Variants in SLC20A2 observed in about 807,000 individuals in gnomAD.
SLC20A2 encodes the protein sodium-dependent phosphate transporter 2.
In SLC20A2, 30 loss-of-function variants were observed where a neutral mutation model predicts 61.0. The observed-to-expected ratio is 0.49, with a 90% CI of 0.37 to 0.67. The LOEUF (loss-of-function observed/expected upper bound fraction) is 0.67. Among genes scored for constraint, SLC20A2 ranks in the 30% least tolerant of loss-of-function variants. The pLI, the probability that SLC20A2 is intolerant of heterozygous loss-of-function variation, is 0.00. For synonymous variants in SLC20A2, 351 were observed against 353.3 expected, an observed-to-expected ratio of 0.99 and a Z score of 0.07; for missense variants, 626 against 866.4, an observed-to-expected ratio of 0.72 and a Z score of 3.48.
chr8:42,516,097 A>C (rs1398267914), intron 1 of SLC20A2, among the ~76,000 whole-genome samples: 1 of 152,200 alleles, frequency 6.6e-6, no homozygotes, highest in Non-Finnish European at 1.5e-5. Context: ...AATTTGGAAA[A>C]CTGTGATTCT....
intron 2 of SLC20A2, among the ~76,000 whole-genome samples, chr8:42,470,146 T>A (rs376625827): frequency 6.6e-6 from 1 of 152,054 alleles, no homozygotes; most frequent in Non-Finnish European, 1.5e-5. Context: ...GAGATATACA[T>A]ATGTTCCATG....
chr8:42,429,957 C>A, intron 9 of SLC20A2, 107 bp downstream of exon 9: 1 of 922,796 alleles, frequency 1.1e-6, no homozygotes, highest in Admixed American at 3.2e-5. Flanking sequence ...CCCTGTGACC[C>A]GCTGCCAACT....
intron 10 of SLC20A2, among the ~76,000 whole-genome samples, chr8:42,418,781 G>C (rs985707906): frequency 1.3e-5 from 2 of 151,618 alleles, no homozygotes; most frequent in Non-Finnish European, 2.9e-5. Context: ...GGCGGATCAC[G>C]AGGTCAGGAG....
At chr8:42,483,337 C>A (rs2974361) in intron 1 of SLC20A2, among the ~76,000 whole-genome samples, 1 of 152,246 alleles carries the variant, frequency 6.6e-6, no homozygotes, top group Non-Finnish European at 1.5e-5. Flanking sequence ...TGCCATTGCA[C>A]TCCAGCCTGA....
In SLC20A2 at chr8:42,439,487, T is replaced by G; in HGVS notation, c.897A>C (p.Glu299Asp). 6.2e-7 allele frequency: 1 copy of G among 1,614,032 alleles called. No homozygotes were observed. ...GAAGETLGTS[E>D]GTSAGSHPRA... is the part of the protein sequence containing the mutation. ...GAGGGTGGCTGCCCGCAGAAGTGCC[T>G]TCCGAGGTCCCCAGTGTCTCCCCTG... Residue 299 changes from glutamate to aspartate, a missense_variant, in exon 7 of 11, where the codon GAA becomes GAC. Around this residue, in one of 3 missense-constraint regions of SLC20A2, gnomAD observed 361 missense variants for 422.3 expected, o/e 0.85. Transcript: ENST00000520262.
At position 42,491,960 on chromosome 8, in the gene SLC20A2, T is replaced by C. The variant is rs1809548411; in HGVS notation, c.-265+9071A>G. 2.0e-5 allele frequency among the ~76,000 whole-genome samples: 3 copies of C among 152,292 alleles called. No individual in the cohort carries two copies. In the South Asian group the frequency reaches 6.2e-4, roughly 32 times the overall value. ...CCAGGACATGCTGATGTCTTGGGAA[T>C]TGTCCCCCAACAATCTCACTGGGAA... On this transcript the variant is annotated intron_variant, in intron 1 of 10. Coordinates refer to ENST00000520262, the MANE Select transcript of SLC20A2 (RefSeq NM_001257180.2).
chr8:42,509,884 A>C (rs1810936592), intron 1 of SLC20A2, among the ~76,000 whole-genome samples: 2 of 152,244 alleles, frequency 1.3e-5, no homozygotes, highest in Non-Finnish European at 2.9e-5. Flanking sequence ...CCTCAAATGG[A>C]AAAATAAGCA....
chr8:42,444,792 T>A, intron 5 of SLC20A2, 30 bp from the exon 6 acceptor site: 2 of 1,563,882 alleles, frequency 1.3e-6, no homozygotes, highest in Non-Finnish European at 8.8e-7. Context: ...GCAGTGTCAT[T>A]ACTGGAAACT....
chr8:42,538,386 C>A (rs145906619), intron 1 of SLC20A2: 1 of 152,038 alleles, frequency 6.6e-6, no homozygotes, highest in African/African-American at 2.4e-5. Context: ...ACATGAAACA[C>A]TCATGTATCA....
chr8:42,488,621 T>G (rs1407691743), intron 1 of SLC20A2, among the ~76,000 whole-genome samples: 6 of 152,228 alleles, frequency 3.9e-5, no homozygotes, highest in Non-Finnish European at 5.9e-5. Context: ...ACTGTCATAC[T>G]GTTTTTGACA....
intron 2 of SLC20A2, chr8:42,471,215 G>C: frequency 2.2e-6 from 1 of 456,164 alleles, no homozygotes; most frequent in Non-Finnish European, 4.4e-6. Context: ...GAGGCAAGCA[G>C]AAAAAGAATC....
At chr8:42,530,860 T>G (rs763165898) in intron 1 of SLC20A2, among the ~76,000 whole-genome samples, 2 of 152,236 alleles carry the variant, frequency 1.3e-5, no homozygotes, top group Middle Eastern at 3.4e-3. Context: ...GGATTACAGA[T>G]GCCCGCCACC....
At chr8:42,457,145 A>C (rs1387457966) in intron 5 of SLC20A2, among the ~76,000 whole-genome samples, 1 of 151,920 alleles carries the variant, frequency 6.6e-6, no homozygotes, top group Non-Finnish European at 1.5e-5. Context: ...ACTGGTTTAG[A>C]ACTCTTGACC....
intron 1 of SLC20A2, among the ~76,000 whole-genome samples, chr8:42,473,343 CCTCCTCGCAGCTCACTGGCCTTAG>C (rs67201052): frequency 0.049 from 7,490 of 152,238 alleles, 675 homozygotes; most frequent in African/African-American, 0.17. Context: ...ACCCTTCAGG[CCTCCTCGCAGCTCACTGGCCTTAG>C]CTCCTCTCCC....
At chr8:42,517,562 T>C (rs1167570997) in intron 1 of SLC20A2, among the ~76,000 whole-genome samples, 1 of 152,036 alleles carries the variant, frequency 6.6e-6, no homozygotes, top group African/African-American at 2.4e-5. Context: ...AATGTACAAG[T>C]GTACACAATT....
chr8:42,533,508 C>T (rs1458953860), intron 1 of SLC20A2, among the ~76,000 whole-genome samples: 2 of 151,892 alleles, frequency 1.3e-5, no homozygotes, highest in Non-Finnish European at 2.9e-5. Context: ...CCCAGCTACT[C>T]GGGAGGCTGA....
chr8:42,503,369 C>T (rs1405409559), upstream of SLC20A2, among the ~76,000 whole-genome samples: 2 of 152,046 alleles, frequency 1.3e-5, no homozygotes, highest in African/African-American at 4.8e-5. Flanking sequence ...ACAGGGAAGG[C>T]GGTGACCTAT....
chr8:42,462,281 G>T (rs1213694399), intron 4 of SLC20A2, among the ~76,000 whole-genome samples: 3 of 152,188 alleles, frequency 2.0e-5, no homozygotes, highest in African/African-American at 7.2e-5. Flanking sequence ...GCAAGTTGGT[G>T]CTCTCCGAGA....
intron 1 of SLC20A2, among the ~76,000 whole-genome samples, chr8:42,533,478 T>C (rs1251626005): frequency 6.6e-6 from 1 of 151,744 alleles, no homozygotes; most frequent in Non-Finnish European, 1.5e-5. Context: ...TAGCTGGGCT[T>C]AGTGGCGCAT....
Sources: gnomAD v4.1 joint callset for allele counts (sites outside exome capture counted in the v4.1 genomes callset) on GRCh38, gnomAD v4.1.1 for gene constraint, gnomAD v4.1.1 regional missense constraint, MANE v1.5 for transcripts, NCBI Gene and HGNC (gene_info 2026-07-23, HGNC 2026-07-21) for gene names.